The following ADD3 variants were observed in gnomAD, a reference collection of about 807,000 sequenced individuals.
ADD3 encodes the protein adducin 3.
A neutral mutation model predicts 80.2 loss-of-function variants in ADD3; 25 were observed. That is an observed-to-expected ratio of 0.31 (90% CI 0.23 to 0.44). The LOEUF is 0.44. Ranked by LOEUF, ADD3 falls within the 20% of genes least tolerant of loss-of-function variation. The pLI is 1.00. For synonymous variants in ADD3, 284 were observed against 289.6 expected (o/e 0.98, Z 0.20); for missense variants, 829 against 847.5 (o/e 0.98, Z 0.27).
At position 110,041,753 on chromosome 10, in the gene ADD3, A is replaced by T. The variant is rs1211587628; in HGVS notation, c.-30+33454A>T. ...TGTTTAAAAAGCAACTAGTTCAGAA[A>T]TTTTCGTACTGAATCAACAAGAAGT... is the stretch of plus-strand genomic sequence containing the variant. On this transcript the variant is annotated intron_variant, in intron 1 of 14. Transcript: ENST00000356080. Among the ~76,000 whole-genome samples, 6 of 152,176 alleles carry T rather than the reference A, an allele frequency of 3.9e-5. No homozygotes were observed. In the East Asian group the frequency reaches 1.2e-3, roughly 29 times the overall value.
chr10:110,059,122 T>C (rs1382171744), intron 1 of ADD3, among the ~76,000 whole-genome samples: 1 of 152,182 alleles, frequency 6.6e-6, no homozygotes, highest in Non-Finnish European at 1.5e-5. Flanking sequence ...GAAATTCTAT[T>C]TTTTTAAATT....
chr10:110,044,082 A>C (rs1370808227), intron 1 of ADD3, among the ~76,000 whole-genome samples: 1 of 152,166 alleles, frequency 6.6e-6, no homozygotes, highest in Non-Finnish European at 1.5e-5. Flanking sequence ...ACACGCCTGT[A>C]GTCCCAGCTA....
At chr10:110,107,784 C>G (rs182732304) in intron 2 of ADD3, among the ~76,000 whole-genome samples, 21 of 152,228 alleles carry the variant, frequency 1.4e-4, no homozygotes, top group African/African-American at 5.1e-4. Flanking sequence ...GCACGCAGCA[C>G]GTAGTCGGCA....
At chr10:110,048,462 A>G (rs1857142131) in intron 1 of ADD3, among the ~76,000 whole-genome samples, 1 of 152,250 alleles carries the variant, frequency 6.6e-6, no homozygotes, top group Admixed American at 6.5e-5. Flanking sequence ...AATATAGGAA[A>G]GTTTGGAACT....
intron 1 of ADD3, among the ~76,000 whole-genome samples, chr10:110,074,428 G>C (rs1248325852): frequency 6.6e-6 from 1 of 152,166 alleles, no homozygotes; most frequent in Admixed American, 6.5e-5. Context: ...GTGGTGCCCA[G>C]AGTGAGTGTC....
At chr10:110,013,033 G>C (rs532494695) in intron 1 of ADD3, among the ~76,000 whole-genome samples, 1 of 152,070 alleles carries the variant, frequency 6.6e-6, no homozygotes, top group South Asian at 2.1e-4. Context: ...GTTTGTATAC[G>C]GTACATAAAC....
At chr10:110,054,816 G>A (rs555621561) in intron 1 of ADD3, among the ~76,000 whole-genome samples, 8 of 151,884 alleles carry the variant, frequency 5.3e-5, no homozygotes, top group African/African-American at 1.7e-4. Context: ...GGGTTTCACC[G>A]TGTTAGCCAG....
At chr10:110,125,000 A>G (rs537687202) in intron 10 of ADD3, among the ~76,000 whole-genome samples, 24 of 152,112 alleles carry the variant, frequency 1.6e-4, no homozygotes, top group Admixed American at 2.6e-4. Context: ...AGTTCTTCCA[A>G]TGTGGCCCAG....
intron 12 of ADD3, among the ~76,000 whole-genome samples, chr10:110,129,115 T>C (rs1852582653): frequency 1.3e-5 from 2 of 152,012 alleles, no homozygotes; most frequent in African/African-American, 4.8e-5. Context: ...CTGTATTTTG[T>C]GTCCCCTAGT....
At chr10:110,023,093 G>C (rs1412070784) in intron 1 of ADD3, among the ~76,000 whole-genome samples, 1 of 152,204 alleles carries the variant, frequency 6.6e-6, no homozygotes, top group Non-Finnish European at 1.5e-5. Flanking sequence ...GAGAGAGTGT[G>C]TTGGCAAAGA....
chr10:110,098,534 A>G (rs968937145), intron 1 of ADD3, among the ~76,000 whole-genome samples: 2 of 152,214 alleles, frequency 1.3e-5, no homozygotes, highest in African/African-American at 4.8e-5. Context: ...TTCTATCTAA[A>G]CTAAGCAGAT....
At chr10:110,077,925 A>G (rs571151873) in intron 1 of ADD3, among the ~76,000 whole-genome samples, 1 of 151,860 alleles carries the variant, frequency 6.6e-6, no homozygotes, top group South Asian at 2.1e-4. Context: ...TGTTATCTAT[A>G]CTCTCTGGTG....
At chr10:110,086,342 AGAGGTTGC>A (rs1244159535) in intron 1 of ADD3, among the ~76,000 whole-genome samples, 5 of 147,828 alleles carry the variant, frequency 3.4e-5, no homozygotes, top group Admixed American at 3.4e-4. Flanking sequence ...CCCAGAAGGT[AGAGGTTGC>A]AGTGAGCCGA....
chr10:110,049,551 T>C (rs773856333), intron 1 of ADD3, among the ~76,000 whole-genome samples: 1 of 152,160 alleles, frequency 6.6e-6, no homozygotes, highest in Non-Finnish European at 1.5e-5. Context: ...GTGACCTGGA[T>C]GTGAGACATG....
chr10:110,121,311 C>G (rs1851463657), intron 8 of ADD3, among the ~76,000 whole-genome samples: 1 of 151,938 alleles, frequency 6.6e-6, no homozygotes, highest in Non-Finnish European at 1.5e-5. Context: ...TGGAGAAACC[C>G]CGTCTGTACT....
At chr10:110,041,729 G>A (rs1856387706) in intron 1 of ADD3, among the ~76,000 whole-genome samples, 1 of 152,134 alleles carries the variant, frequency 6.6e-6, no homozygotes, top group Non-Finnish European at 1.5e-5. Context: ...TCTGTTATAT[G>A]TTTAAAAAGC....
chr10:110,110,212 T>G (rs1849835453), intron 2 of ADD3, among the ~76,000 whole-genome samples: 1 of 152,214 alleles, frequency 6.6e-6, no homozygotes, highest in Non-Finnish European at 1.5e-5. Context: ...TCTTGGAATT[T>G]CTGCTTTTCT....
rs565559932 is a variant in ADD3 at position 110,038,164 on chromosome 10, C to T, written c.-30+29865C>T. Among the ~76,000 whole-genome samples, 122 of 151,332 alleles carry T rather than the reference C, an allele frequency of 8.1e-4. 1 individual carries two copies. The highest frequency in any genetic ancestry group is 1.2e-3 in the Non-Finnish European group (80 of 67,834). ...GTAAACCACCACCCAGAGATAGCCTCTTATATTAAGGTAGGTTATCTATGC... is the reference window on the plus strand; with the variant it reads ...GTAAACCACCACCCAGAGATAGCCTTTTATATTAAGGTAGGTTATCTATGC... On this transcript the variant is annotated intron_variant, in intron 1 of 14. Coordinates refer to ENST00000356080, the MANE Select transcript of ADD3 (RefSeq NM_016824.5).
intron 1 of ADD3, chr10:110,076,989 C>T (rs1407570766): frequency 6.6e-6 from 1 of 152,238 alleles, no homozygotes; most frequent in African/African-American, 2.4e-5. Context: ...GAGTGAGCTC[C>T]ACCCTTGCTC....
Sources: gnomAD v4.1 joint callset for allele counts (sites outside exome capture counted in the v4.1 genomes callset) on GRCh38, gnomAD v4.1.1 for gene constraint, MANE v1.5 for transcripts, NCBI Gene and HGNC (gene_info 2026-07-23, HGNC 2026-07-21) for gene names.